The following FREM1 variants were observed in gnomAD, a reference collection of about 807,000 sequenced individuals.
FREM1 encodes the protein FRAS1 related extracellular matrix 1.
Under a neutral mutation model 210.1 loss-of-function variants are expected in FREM1, and 220 were observed. The ratio of observed to expected loss-of-function variants is 1.05; its 90% CI spans 0.94 to 1.17. FREM1 has a LOEUF of 1.17. FREM1 is among the 50% of genes most tolerant of loss of function. FREM1 has a pLI of 0.00. For missense variants in FREM1, 3,454 were observed against 2,675.5 expected, an observed-to-expected ratio of 1.29 and a Z score of -6.42; for synonymous variants, 1,189 against 980.2, an observed-to-expected ratio of 1.21 and a Z score of -3.98.
chr9:14,784,448 A>G lies in FREM1; in HGVS notation c.4364T>C (p.Phe1455Ser), dbSNP rs1587953901. The change falls in exon 24 of 37, where the codon TTC (phenylalanine) becomes TCC (serine). Residue 1455 changes from phenylalanine (F) to serine (S), a missense_variant. Coordinates refer to ENST00000380880, the MANE Select transcript of FREM1 (RefSeq NM_001379081.2). ...CTGCCCCACTACATCCATTTGGCTG[A>G]AGTTTGTAATGGGAACTCCAGGATA... is the stretch of plus-strand genomic sequence containing the variant. ...VHYPGVPITN[F>S]SQMDVVGQTV... 6.2e-7 allele frequency: 1 copy of G among 1,613,870 alleles called. No homozygotes were observed. Among genetic ancestry groups the G allele is most frequent in the Non-Finnish European group, 8.5e-7 (1 of 1,179,828 alleles).
chr9:14,769,677 A>G, intron 27 of FREM1, 47 bp downstream of exon 27: 1 of 1,580,092 alleles, frequency 6.3e-7, no homozygotes, highest in Non-Finnish European at 8.6e-7. Flanking sequence ...ATTCAGATAC[A>G]TTATGGATGT....
intron 1 of FREM1, among the ~76,000 whole-genome samples, chr9:14,879,840 T>C (rs937375992): frequency 6.6e-6 from 1 of 151,914 alleles, no homozygotes; most frequent in Non-Finnish European, 1.5e-5. Flanking sequence ...TGGAGAAAAA[T>C]ATGGACAGAC....
At chr9:14,892,055 A>G (rs12555623) in intron 1 of FREM1, among the ~76,000 whole-genome samples, 1 of 152,168 alleles carries the variant, frequency 6.6e-6, no homozygotes, top group African/African-American at 2.4e-5. Context: ...AATTCTTTCT[A>G]TCCTAAGGTA....
In FREM1 at chr9:14,804,948, T is replaced by C; in HGVS notation, c.3471+8A>G. 1 of 1,592,020 alleles carries C rather than the reference T, an allele frequency of 6.3e-7. No individual in the cohort carries two copies. Among genetic ancestry groups the C allele is most frequent in the Non-Finnish European group, 8.6e-7 (1 of 1,161,310 alleles). ...AAGAGAAATGGAACATTTGGATATGTTTCTTACAGTAATATTCTGCACTAC... is the reference window on the plus strand; with the variant it reads ...AAGAGAAATGGAACATTTGGATATGCTTCTTACAGTAATATTCTGCACTAC... On this transcript the variant is annotated splice_region_variant and intron_variant, in intron 19 of 36. Coordinates refer to ENST00000380880, the MANE Select transcript of FREM1 (RefSeq NM_001379081.2).
intron 1 of FREM1, among the ~76,000 whole-genome samples, chr9:14,874,288 T>C (rs578153664): frequency 6.6e-6 from 1 of 151,762 alleles, no homozygotes; most frequent in South Asian, 2.1e-4. Flanking sequence ...CCCATTATTA[T>C]TGTGTGGGAG....
chr9:14,776,619 T>G (rs758427776), intron 24 of FREM1, among the ~76,000 whole-genome samples: 4 of 152,240 alleles, frequency 2.6e-5, no homozygotes, highest in African/African-American at 9.6e-5. Flanking sequence ...TGGTGTGTAA[T>G]AGACTAAAGT....
intron 24 of FREM1, among the ~76,000 whole-genome samples, chr9:14,782,576 G>C (rs1022284662): frequency 6.6e-6 from 1 of 152,160 alleles, no homozygotes; most frequent in Non-Finnish European, 1.5e-5. Context: ...AAGCCAAGAA[G>C]CACCCAGCCT....
intron 1 of FREM1, among the ~76,000 whole-genome samples, chr9:14,898,362 G>C (rs1160602452): frequency 1.3e-5 from 2 of 152,164 alleles, no homozygotes; most frequent in Non-Finnish European, 2.9e-5. Flanking sequence ...TTCTATTCCA[G>C]ATCTATTGAA....
rs1310339423 is a variant in FREM1, at chr9:14,756,398, A to T, written c.5383T>A (p.Ser1795Thr). The stretch of plus-strand genomic sequence containing the variant: ...CCTGGGTCAAACTGAATCAGTTTAG[A>T]TGGAATCACGGTGAAATCTTTTCCA... Reference protein sequence around the residue: ...AVGKDFTVIPSKLIQFDPGMS... With the variant: ...AVGKDFTVIPTKLIQFDPGMS... Residue 1795 changes from serine to threonine, a missense_variant, in exon 29 of 37, where the codon TCT becomes ACT. Transcript: ENST00000380880. 2 of 1,602,238 alleles carry T rather than the reference A, an allele frequency of 1.2e-6. No individual in the cohort carries two copies. Among genetic ancestry groups the T allele is most frequent in the South Asian group, 1.1e-5 (1 of 88,194 alleles).
At chr9:14,886,635 C>G (rs1374998248) in intron 1 of FREM1, among the ~76,000 whole-genome samples, 1 of 151,948 alleles carries the variant, frequency 6.6e-6, no homozygotes, top group Non-Finnish European at 1.5e-5. Flanking sequence ...GTGGCTCACT[C>G]CTTTAATCCC....
chr9:14,883,264 G>C (rs1452330792), intron 1 of FREM1, among the ~76,000 whole-genome samples: 2 of 148,646 alleles, frequency 1.3e-5, no homozygotes, highest in Non-Finnish European at 2.9e-5. Context: ...CAGTTAGGAG[G>C]GGGGAAAAGT....
At chr9:14,864,617 T>G (rs1454810172) in intron 2 of FREM1, among the ~76,000 whole-genome samples, 1 of 152,234 alleles carries the variant, frequency 6.6e-6, no homozygotes, top group African/African-American at 2.4e-5. Context: ...GATTGTTAAC[T>G]GTTATATTTT....
Position 14,863,848 on chromosome 9 carries a change from G to C in FREM1, c.290C>G (p.Pro97Arg), listed in dbSNP as rs996318505. Residue 97 changes from proline (P) to arginine (R), a missense_variant, in exon 3 of 37, where the codon CCA (proline) becomes CGA (arginine). Transcript: ENST00000380880. ...NEVKYVHNGC[P>R]ILDEDTVKLR... ...CTTCACTGTGTCTTCATCAAGAATT[G>C]GACAACCATTGTGAACATACTTGAC... 1 of 1,613,166 alleles carries C rather than the reference G, an allele frequency of 6.2e-7. No individual in the cohort carries two copies. The highest frequency in any genetic ancestry group is 8.5e-7 in the Non-Finnish European group (1 of 1,179,262).
intron 1 of FREM1, among the ~76,000 whole-genome samples, chr9:14,878,390 G>C (rs1327389953): frequency 1.3e-5 from 2 of 151,752 alleles, no homozygotes; most frequent in Admixed American, 6.6e-5. Context: ...TCTTCCCCCA[G>C]ATATCCCTCC....
intron 1 of FREM1, among the ~76,000 whole-genome samples, chr9:14,889,135 A>T (rs1188357206): frequency 6.6e-6 from 1 of 152,212 alleles, no homozygotes; most frequent in Non-Finnish European, 1.5e-5. Flanking sequence ...TGATAAAAAA[A>T]TCCTTAAGTA....
chr9:14,840,896 G>C (rs1040730430), intron 10 of FREM1, among the ~76,000 whole-genome samples: 1 of 152,232 alleles, frequency 6.6e-6, no homozygotes, highest in African/African-American at 2.4e-5. Flanking sequence ...AGTGGTAGAA[G>C]AGACTCTTAG....
At chr9:14,755,806 T>C (rs553747989) in intron 29 of FREM1, among the ~76,000 whole-genome samples, 7 of 152,262 alleles carry the variant, frequency 4.6e-5, no homozygotes, top group Non-Finnish European at 1.0e-4. Context: ...TTCTTGTCTG[T>C]GTTTCTCACA....
At chr9:14,901,859 A>AT (rs755234370) in intron 1 of FREM1, among the ~76,000 whole-genome samples, 19 of 151,800 alleles carry the variant, frequency 1.3e-4, no homozygotes, top group African/African-American at 3.9e-4. Context: ...GTTTTTATGT[A>AT]TTTTTTTTAA....
chr9:14,776,356 T>C (rs1446216460), intron 24 of FREM1, 153 bp from the exon 25 acceptor site: 1 of 780,000 alleles, frequency 1.3e-6, no homozygotes, highest in East Asian at 2.8e-5. Context: ...AAAATCCCTA[T>C]CATTAAACCA....
Sources: gnomAD v4.1 joint callset for allele counts (sites outside exome capture counted in the v4.1 genomes callset) on GRCh38, gnomAD v4.1.1 for gene constraint, MANE v1.5 for transcripts, NCBI Gene and HGNC (gene_info 2026-07-23, HGNC 2026-07-21) for gene names.